CCNI: variants seen among roughly 807,000 people sequenced by gnomAD.
The protein encoded by CCNI is cyclin-I.
A neutral mutation model predicts 34.1 loss-of-function variants in CCNI; 14 were observed. The ratio of observed to expected loss-of-function variants is 0.41; its 90% CI spans 0.27 to 0.64. The LOEUF (loss-of-function observed/expected upper bound fraction) is 0.64. CCNI is among the 30% of genes least tolerant of loss of function. The probability of loss-of-function intolerance (pLI) is 0.31; values close to 1 mark genes in which losing one functional copy is unlikely to be tolerated. For missense variants in CCNI, 385 were observed against 440.5 expected (o/e 0.87, Z 1.13); for synonymous variants, 154 against 158.4 (o/e 0.97, Z 0.21).
At chr4:77,071,611 AGACT>A (rs1159385435) in intron 1 of CCNI, among the ~76,000 whole-genome samples, 1 of 152,232 alleles carries the variant, frequency 6.6e-6, no homozygotes, top group East Asian at 1.9e-4. Context: ...TTAGCCAGCT[AGACT>A]GACCACGAAA....
intron 1 of CCNI, 62 bp downstream of exon 1, chr4:77,075,410 C>G: frequency 1.4e-6 from 1 of 720,642 alleles, no homozygotes; most frequent in Non-Finnish European, 1.7e-6. Context: ...CAGCGGGGCC[C>G]CAGCGCGTCG....
intron 3 of CCNI, 33 bp downstream of exon 3, chr4:77,058,474 A>C (rs1169215879): frequency 1.3e-6 from 2 of 1,560,402 alleles, no homozygotes; most frequent in Non-Finnish European, 1.8e-6. Flanking sequence ...CACTCAAATG[A>C]GGTTATATGT....
chr4:77,057,186 ACCTACTTTT>A lies in CCNI; in HGVS notation c.244-872_244-864del, dbSNP rs764875257. 5.3e-5 allele frequency among the ~76,000 whole-genome samples: 8 copies of A among 152,100 alleles called. No individual in the cohort carries two copies. The South Asian group carries it at 1.7e-3, about 31-fold the overall frequency. ...CCTCCCTCCCTCTCTACTACATCTA[ACCTACTTTT>A]CACAGATAATTCCACAGAAAGATGA... On this transcript the variant is annotated intron_variant, in intron 3 of 6. Coordinates refer to ENST00000237654, the MANE Select transcript of CCNI (RefSeq NM_006835.3).
At chr4:77,057,287 A>G (rs2109806851) in intron 3 of CCNI, among the ~76,000 whole-genome samples, 1 of 152,338 alleles carries the variant, frequency 6.6e-6, no homozygotes, top group Middle Eastern at 3.4e-3. Context: ...ACATTGTTGT[A>G]GTTTCTATCA....
rs1276937657 is a variant in CCNI, at chr4:77,066,140, T to A, written c.114+109A>T. On this transcript the variant is annotated intron_variant, in intron 2 of 6. Transcript: ENST00000237654. ...GGGAGAGTCTCTCAAATACAGCACA[T>A]CCTTAAATGGTACACACTCCTCCAA... 4.6e-6 allele frequency: 4 copies of A among 872,834 alleles called. No individual in the cohort carries two copies. In the East Asian group the frequency reaches 1.0e-4, roughly 23 times the overall value. 54.1% of individuals were successfully genotyped at this position (872,834 alleles called of 1,614,324 possible). A position where few individuals can be genotyped will look rare whatever the true frequency, so the allele number is the denominator to read the frequency against.
intron 1 of CCNI, among the ~76,000 whole-genome samples, chr4:77,068,151 C>T (rs564728046): frequency 3.3e-5 from 5 of 152,194 alleles, no homozygotes; most frequent in Non-Finnish European, 5.9e-5. Flanking sequence ...GCACTCCAGC[C>T]TGGCGACAGA....
Position 77,049,968 on chromosome 4 carries a change from A to C in CCNI, c.691-1306T>G, listed in dbSNP as rs1049183557. Among the ~76,000 whole-genome samples the C allele has an allele frequency of 1.6e-4, 25 of 152,200 alleles. No individual in the cohort carries two copies. In the Middle Eastern group the frequency reaches 0.01, roughly 62 times the overall value. Reference sequence around the variant, plus strand: ...TTCCTTCCCTGCTCTCTCCAGCGGCACCCCAATGCCTACCAGAAATAAGCT... The same window carrying C: ...TTCCTTCCCTGCTCTCTCCAGCGGCCCCCCAATGCCTACCAGAAATAAGCT... On this transcript the variant is annotated intron_variant, in intron 6 of 6. Coordinates refer to ENST00000237654, the MANE Select transcript of CCNI (RefSeq NM_006835.3).
At chr4:77,048,767 G>A (rs1317644344) in intron 6 of CCNI, 105 bp from the exon 7 acceptor site, 9 of 725,792 alleles carry the variant, frequency 1.2e-5, no homozygotes, top group South Asian at 3.3e-5. Context: ...TTCCGTCCCC[G>A]CTGAGTCTTT....
chr4:77,066,442 A>G lies in CCNI; in HGVS notation c.-43-37T>C, dbSNP rs1034040621. The G allele has an allele frequency of 9.8e-6, 15 of 1,529,450 alleles. No individual in the cohort carries two copies. The East Asian group carries it at 1.4e-4, about 14-fold the overall frequency. The allele number at this position is 1,529,450 out of a possible 1,614,324, so 94.7% of individuals were successfully genotyped here. A position where few individuals can be genotyped will look rare whatever the true frequency, so the allele number is the denominator to read the frequency against. On this transcript the variant is annotated intron_variant, in intron 1 of 6. Coordinates refer to ENST00000237654, the MANE Select transcript of CCNI (RefSeq NM_006835.3). ...AGTAAGTTTTAAAATTAGTTATAGA[A>G]TAAGTGTAGCATTATATAAAGTACT...
chr4:77,073,691 T>C (rs1046960569), intron 1 of CCNI, among the ~76,000 whole-genome samples: 1 of 152,240 alleles, frequency 6.6e-6, no homozygotes. Context: ...CTTCCTAAAG[T>C]AGCCATCAGT....
chr4:77,051,882 C>T (rs1293830276), intron 6 of CCNI, among the ~76,000 whole-genome samples: 1 of 151,642 alleles, frequency 6.6e-6, no homozygotes, highest in African/African-American at 2.4e-5. Context: ...ACTGAGGAAC[C>T]TGCTGGAATA....
intron 1 of CCNI, among the ~76,000 whole-genome samples, chr4:77,069,981 T>C (rs890781959): frequency 2.0e-5 from 3 of 152,060 alleles, no homozygotes; most frequent in Admixed American, 2.0e-4. Flanking sequence ...CTAAATTAGC[T>C]TTAATTTTAC....
At chr4:77,062,561 GAAA>G (rs1004220583) in intron 2 of CCNI, among the ~76,000 whole-genome samples, 1 of 136,610 alleles carries the variant, frequency 7.3e-6, no homozygotes, top group Admixed American at 7.4e-5. Context: ...CCCTGTCTCA[GAAA>G]AAAAAAAAAA....
rs776296331 is a variant in CCNI at position 77,048,634 on chromosome 4, C to T, written c.719G>A (p.Arg240Gln). The change falls in exon 7 of 7, where the codon CGG (arginine) becomes CAG (glutamine). Residue 240 changes from arginine (R) to glutamine (Q), a missense_variant. Around this residue, in one of 2 missense-constraint regions of CCNI, gnomAD observed 250 missense variants for 248.7 expected, o/e 1.01. Transcript: ENST00000237654. ...QMDSSQLIHC[R>Q]ELVAHHLSTL... is the part of the protein sequence containing the mutation. ...AGAAAGGTGATGTGCCACAAGCTCC[C>T]GACAATGGATCAACTGGGAGCTATC... The T allele has an allele frequency of 1.1e-5, 17 of 1,551,658 alleles. No homozygotes were observed. The highest frequency in any genetic ancestry group is 2.3e-5 in the East Asian group (1 of 44,198).
At chr4:77,063,506 A>G (rs1024727955) in intron 2 of CCNI, among the ~76,000 whole-genome samples, 3 of 151,800 alleles carry the variant, frequency 2.0e-5, no homozygotes, top group Non-Finnish European at 4.4e-5. Flanking sequence ...TGGCTAACAC[A>G]GTGAAACCCC....
Position 77,066,309 on chromosome 4 carries a change from C to A in CCNI, c.54G>T (p.Lys18Asn), listed in dbSNP as rs775498810. 13 of 1,613,932 alleles carry A rather than the reference C, an allele frequency of 8.1e-6. No homozygotes were observed. The East Asian group carries it at 2.9e-4, about 36-fold the overall frequency. ...ACATCTGTGCTTCCCTAGTGATTGC[C>A]TTTTCCAACAGGAAAGACAATCTCT... ...ENQRLSFLLEKAITREAQMWK... is the reference protein window; with the variant it reads ...ENQRLSFLLENAITREAQMWK... The change falls in exon 2 of 7, where the codon AAG (lysine) becomes AAT (asparagine). Residue 18 changes from lysine (K) to asparagine (N), a missense_variant. Coordinates refer to ENST00000237654, the MANE Select transcript of CCNI (RefSeq NM_006835.3).
In CCNI at chr4:77,048,362, C is replaced by T. The variant is rs368121339; in HGVS notation, c.991G>A (p.Asp331Asn). The T allele has an allele frequency of 3.1e-6, 5 of 1,610,614 alleles. No individual in the cohort carries two copies. Among genetic ancestry groups the T allele is most frequent in the African/African-American group, 2.7e-5 (2 of 74,722 alleles). Residue 331 changes from aspartate to asparagine, a missense_variant, in exon 7 of 7, where the codon GAT becomes AAT. This residue lies in a region of CCNI where 250 missense variants were observed against 248.7 expected (regional missense o/e 1.01). Transcript: ENST00000237654. ...TKRKVEEMEV[D>N]DFYDGIKRLY... is the part of the protein sequence containing the mutation. ...CGTTTGATTCCATCATAGAAGTCAT[C>T]CACTTCCATTTCCTCTACTTTGCGT...
rs889425224 is a variant in CCNI, at chr4:77,048,451, C to T, written c.902G>A (p.Arg301Lys). 6.2e-7 allele frequency: 1 copy of T among 1,614,144 alleles called. No individual in the cohort carries two copies. Among genetic ancestry groups the T allele is most frequent in the Non-Finnish European group, 8.5e-7 (1 of 1,180,020 alleles). ...ATGATGGTAAAAGGCTGCTGTACCT[C>T]TGACTGGCACTTCTGGCTTGCTGTT... ...KDNSKPEVPV[R>K]GTAAFYHHLP... Residue 301 changes from arginine to lysine, a missense_variant, in exon 7 of 7, where the codon AGA becomes AAA. Physicochemically the swap from Arg to Lys is conservative, Grantham distance 26 (BLOSUM62 2). Coordinates refer to ENST00000237654, the MANE Select transcript of CCNI (RefSeq NM_006835.3).
intron 1 of CCNI, 35 bp from the exon 2 acceptor site, chr4:77,066,440 GA>G: frequency 6.5e-7 from 1 of 1,533,750 alleles, no homozygotes; most frequent in Non-Finnish European, 8.9e-7. Flanking sequence ...ATTAGTTATA[GA>G]ATAAGTGTAG....
Sources: gnomAD v4.1 joint callset for allele counts (sites outside exome capture counted in the v4.1 genomes callset) on GRCh38, gnomAD v4.1.1 for gene constraint, gnomAD v4.1.1 regional missense constraint, MANE v1.5 for transcripts, NCBI Gene and HGNC (gene_info 2026-07-23, HGNC 2026-07-21) for gene names.